Variants in C1QTNF3 observed in about 807,000 individuals in gnomAD.
C1QTNF3 encodes C1q and TNF related 3.
Under a neutral mutation model 32.6 loss-of-function variants are expected in C1QTNF3, and 26 were observed. The observed-to-expected ratio is 0.80, with a 90% CI of 0.58 to 1.11. The LOEUF is 1.11. C1QTNF3 is among the 50% of genes least tolerant of loss of function. C1QTNF3 has a pLI of 0.00. For synonymous variants in C1QTNF3, 155 were observed against 146.0 expected (o/e 1.06, Z -0.44); for missense variants, 362 against 398.2 (o/e 0.91, Z 0.77).
intron 5 of C1QTNF3, among the ~76,000 whole-genome samples, chr5:34,022,382 C>T (rs1171262070): frequency 2.6e-5 from 4 of 152,128 alleles, no homozygotes; most frequent in Non-Finnish European, 5.9e-5. Context: ...AGATGTGCCA[C>T]AGAGAAAAGC....
At chr5:34,054,847 T>C in the C1QTNF3 span, among the ~76,000 whole-genome samples, 3 of 152,176 alleles carry the variant, frequency 2.0e-5, no homozygotes, top group Non-Finnish European at 2.9e-5. Context: ...CATCTCCCCC[T>C]TTTCTCCCTC....
chr5:34,125,669 T>A, the C1QTNF3 span, among the ~76,000 whole-genome samples: 1 of 152,176 alleles, frequency 6.6e-6, no homozygotes, highest in South Asian at 2.1e-4. Context: ...AGTGATTACA[T>A]CCTTTTATAT....
the C1QTNF3 span, among the ~76,000 whole-genome samples, chr5:34,206,863 A>G: frequency 6.6e-6 from 1 of 152,094 alleles, no homozygotes; most frequent in South Asian, 2.1e-4. Flanking sequence ...TTCCCAACAC[A>G]TCTTTCTTGA....
the C1QTNF3 span, among the ~76,000 whole-genome samples, chr5:34,223,300 G>A: frequency 6.6e-6 from 1 of 151,180 alleles, no homozygotes; most frequent in Non-Finnish European, 1.5e-5. Flanking sequence ...ATAGTTGACT[G>A]AGAATGATGA....
chr5:34,066,164 G>C, the C1QTNF3 span, among the ~76,000 whole-genome samples: 9 of 152,126 alleles, frequency 5.9e-5, no homozygotes, highest in African/African-American at 1.9e-4. Flanking sequence ...TGATCTTATC[G>C]GGAAGCTGCT....
At chr5:34,041,549 AAAAC>A (rs1405786105) in intron 1 of C1QTNF3, among the ~76,000 whole-genome samples, 1 of 152,212 alleles carries the variant, frequency 6.6e-6, no homozygotes, top group Non-Finnish European at 1.5e-5. Context: ...CCACAAAACA[AAAAC>A]AAACAAAAAC....
the C1QTNF3 span, among the ~76,000 whole-genome samples, chr5:34,146,355 C>A: frequency 8.5e-5 from 13 of 152,112 alleles, no homozygotes; most frequent in African/African-American, 3.1e-4. Flanking sequence ...TCCTAAATAA[C>A]CAATGCAATT....
chr5:34,102,498 G>GT, the C1QTNF3 span, among the ~76,000 whole-genome samples: 1 of 151,332 alleles, frequency 6.6e-6, no homozygotes, highest in African/African-American at 2.4e-5. Flanking sequence ...AGGATTTAAG[G>GT]TTTTTTCAAC....
the C1QTNF3 span, among the ~76,000 whole-genome samples, chr5:34,078,422 T>G: frequency 6.6e-6 from 1 of 151,930 alleles, no homozygotes; most frequent in South Asian, 2.1e-4. The surrounding 1 kb of genome is among the most constrained non-coding windows in gnomAD (Gnocchi z 4.0). Flanking sequence ...CTTACAATCA[T>G]GGCGGAAGGG....
At chr5:34,100,787 C>A in the C1QTNF3 span, among the ~76,000 whole-genome samples, 4 of 149,528 alleles carry the variant, frequency 2.7e-5, no homozygotes, top group Non-Finnish European at 5.9e-5. Flanking sequence ...TGTGAAAGCA[C>A]AGTTATACAA....
At chr5:34,189,154 C>T in the C1QTNF3 span, among the ~76,000 whole-genome samples, 129 of 149,262 alleles carry the variant, frequency 8.6e-4, 3 homozygotes, top group African/African-American at 2.8e-3. Flanking sequence ...CCGTCCACCC[C>T]GACCTCCCAA....
chr5:34,130,123 T>TTA, the C1QTNF3 span, among the ~76,000 whole-genome samples: 24 of 148,252 alleles, frequency 1.6e-4, no homozygotes, highest in African/African-American at 5.7e-4. Context: ...GATCACTATT[T>TTA]TATATATATA....
chr5:34,094,333 C>T, the C1QTNF3 span, among the ~76,000 whole-genome samples: 1 of 151,930 alleles, frequency 6.6e-6, no homozygotes, highest in Admixed American at 6.6e-5. Context: ...CAGCTGTGAG[C>T]TCCAGGCTTC....
the C1QTNF3 span, among the ~76,000 whole-genome samples, chr5:34,157,624 G>C: frequency 1.3e-5 from 2 of 152,218 alleles, no homozygotes; most frequent in Non-Finnish European, 2.9e-5. Context: ...TGGTCAGAAA[G>C]AGAGATGTGA....
the C1QTNF3 span, among the ~76,000 whole-genome samples, chr5:34,102,213 T>C: frequency 6.6e-6 from 1 of 152,186 alleles, no homozygotes; most frequent in East Asian, 1.9e-4. Flanking sequence ...AAATACGCCA[T>C]TGTAATGGGA....
the C1QTNF3 span, among the ~76,000 whole-genome samples, chr5:34,084,875 C>T: frequency 2.8e-5 from 4 of 144,832 alleles, no homozygotes; most frequent in Non-Finnish European, 4.5e-5. Context: ...GCTTTTGTTG[C>T]CATTACTTTT....
intron 2 of C1QTNF3, among the ~76,000 whole-genome samples, chr5:34,034,405 T>C (rs747753020): frequency 3.9e-5 from 6 of 152,284 alleles, no homozygotes; most frequent in Non-Finnish European, 7.3e-5. Context: ...GGGGAAAAGG[T>C]AAACTCATTC....
the C1QTNF3 span, among the ~76,000 whole-genome samples, chr5:34,088,438 T>C: frequency 3.9e-5 from 6 of 152,138 alleles, no homozygotes; most frequent in African/African-American, 1.4e-4. Flanking sequence ...AATGTTTTAG[T>C]ATATCATTAA....
the C1QTNF3 span, among the ~76,000 whole-genome samples, chr5:34,241,064 C>T: frequency 1.3e-5 from 2 of 151,986 alleles, no homozygotes; most frequent in Non-Finnish European, 2.9e-5. Flanking sequence ...TCAATTAAAT[C>T]CAGTGCCCCT....
Sources: gnomAD v4.1 joint callset for allele counts (sites outside exome capture counted in the v4.1 genomes callset) on GRCh38, gnomAD v4.1.1 for gene constraint, Gnocchi (gnomAD v3.1) non-coding constraint, MANE v1.5 for transcripts, NCBI Gene and HGNC (gene_info 2026-07-23, HGNC 2026-07-21) for gene names.